DYNC1H1: variants seen among roughly 807,000 people sequenced by gnomAD.
DYNC1H1 encodes the protein cytoplasmic dynein 1 heavy chain 1.
A neutral mutation model predicts 527.1 loss-of-function variants in DYNC1H1; 51 were observed. The ratio of observed to expected loss-of-function variants is 0.10; its 90% confidence interval spans 0.08 to 0.12. The LOEUF (loss-of-function observed/expected upper bound fraction) is 0.12, where lower values mean the gene tolerates loss of function less well. Ranked by LOEUF, DYNC1H1 falls within the 10% of genes least tolerant of loss-of-function variation. The probability of loss-of-function intolerance (pLI) is 1.00; values close to 1 mark genes in which losing one functional copy is unlikely to be tolerated. For synonymous variants in DYNC1H1, 2,189 were observed against 2,278.8 expected (o/e 0.96, Z 1.12); for missense variants, 2,771 against 5,971.8 (o/e 0.46, Z 17.66).
At chr14:101,976,064 C>T (rs561202261) in intron 2 of DYNC1H1, among the ~76,000 whole-genome samples, 7 of 151,702 alleles carry the variant, frequency 4.6e-5, no homozygotes, top group South Asian at 4.2e-4. Context: ...TGCACCGCCA[C>T]GCCTGGCTAA....
chr14:102,010,559 A>G lies in DYNC1H1; in HGVS notation c.6405+100A>G, dbSNP rs751825332. 140 of 1,535,042 alleles carry G rather than the reference A, an allele frequency of 9.1e-5. No homozygotes were observed. Among genetic ancestry groups the G allele is most frequent in the Non-Finnish European group, 1.2e-4 (135 of 1,128,950 alleles). ...CTTGTGAGTTCTTCTTGCAGTTCAC[A>G]TGTCTTGGGATGGCTGAAATAGACT... On this transcript the variant is annotated intron_variant, in intron 31 of 77. Transcript: ENST00000360184. The surrounding 1 kb of genome is among the most constrained non-coding windows in gnomAD (Gnocchi z 6.0).
At position 102,048,229 on chromosome 14, in the gene DYNC1H1, C is replaced by T. The variant is rs984083185; in HGVS notation, c.13218+201C>T. ...CCTTTTGAAATGGACTGAAAACACCCTAGAAGATTGTGAGATAGGCAGACA... is the reference window on the plus strand; with the variant it reads ...CCTTTTGAAATGGACTGAAAACACCTTAGAAGATTGTGAGATAGGCAGACA... On this transcript the variant is annotated intron_variant, in intron 73 of 77. Transcript: ENST00000360184. 31 of 761,976 alleles carry T rather than the reference C, an allele frequency of 4.1e-5. No individual in the cohort carries two copies. The African/African-American group carries it at 4.9e-4, about 12-fold the overall frequency. The allele number at this position is 761,976 out of a possible 1,614,324, so 47.2% of individuals were successfully genotyped here.
chr14:102,009,590 A>G, intron 29 of DYNC1H1: 1 of 514,824 alleles, frequency 1.9e-6, no homozygotes, highest in Non-Finnish European at 3.5e-6. Flanking sequence ...GCCCAAATAA[A>G]ATAGTGGTCT....
rs2048343883 is a variant in DYNC1H1 at position 102,017,939 on chromosome 14, T to C, written c.8177+435T>C. 7.1e-6 allele frequency: 2 copies of C among 280,598 alleles called. No individual in the cohort carries two copies. Among genetic ancestry groups the C allele is most frequent in the Non-Finnish European group, 1.4e-5 (2 of 145,510 alleles). The allele number at this position is 280,598 out of a possible 1,614,324, so 17.4% of individuals were successfully genotyped here. The stretch of plus-strand genomic sequence containing the variant: ...GGCTAACACGGTGAAACCCCATCTC[T>C]ACTAAAAATACAAAAAATTAGCCAG... On this transcript the variant is annotated intron_variant, in intron 40 of 77. Transcript: ENST00000360184. This position sits in a 1 kb window ranked among gnomAD's most constrained non-coding sequence, Gnocchi z 4.6.
At chr14:102,047,381 GAAA>G (rs981469317) in intron 72 of DYNC1H1, among the ~76,000 whole-genome samples, 44 of 151,494 alleles carry the variant, frequency 2.9e-4, no homozygotes, top group African/African-American at 1.0e-3. Context: ...AAAAATACAA[GAAA>G]AAATTAGCCA....
chr14:101,997,236 G>A lies in DYNC1H1; in HGVS notation c.3766G>A (p.Asp1256Asn), dbSNP rs760571415. 9 of 1,613,902 alleles carry A rather than the reference G, an allele frequency of 5.6e-6. No homozygotes were observed. The highest frequency in any genetic ancestry group is 1.3e-5 in the African/African-American group (1 of 74,882). Residue 1256 changes from aspartate (D) to asparagine (N), a missense_variant, in exon 16 of 78, where the codon GAC becomes AAC. This residue lies in a region of DYNC1H1 where 223 missense variants were observed against 462.5 expected (regional missense o/e 0.48). Transcript: ENST00000360184. This position sits in a 1 kb window ranked among gnomAD's most constrained non-coding sequence, Gnocchi z 4.8. ...EDRAVESRTT[D>N]LLTDWEKTKP... ...TCGGGCCGTGGAAAGCCGCACCACC[G>A]ACCTGCTGACTGACTGGGAGAAGAC... is the stretch of plus-strand genomic sequence containing the variant.
intron 69 of DYNC1H1, 137 bp from the exon 70 acceptor site, chr14:102,043,738 C>A: frequency 8.6e-7 from 1 of 1,161,018 alleles, no homozygotes; most frequent in Non-Finnish European, 1.3e-6. Flanking sequence ...CTCCTAGCAG[C>A]AGTACTCATG....
Position 102,050,106 on chromosome 14 carries a change from A to C in DYNC1H1, c.13720A>C (p.Lys4574Gln). 2 of 1,570,830 alleles carry C rather than the reference A, an allele frequency of 1.3e-6. No individual in the cohort carries two copies. The highest frequency in any genetic ancestry group is 1.7e-6 in the Non-Finnish European group (2 of 1,168,116). ...KLQGATCNNN[K>Q]LSLSNAISTA... ...TCAAGGGGCCACGTGCAACAACAACAAGCTGTCACTGTCCAATGCCATCTC... is the reference window on the plus strand; with the variant it reads ...TCAAGGGGCCACGTGCAACAACAACCAGCTGTCACTGTCCAATGCCATCTC... The change falls in exon 77 of 78, where the codon AAG becomes CAG. Residue 4574 changes from lysine (K) to glutamine (Q), a missense_variant. Lys to Gln is a moderately conservative substitution (Grantham distance 53). Coordinates refer to ENST00000360184, the MANE Select transcript of DYNC1H1 (RefSeq NM_001376.5).
chr14:102,050,998 G>C lies in DYNC1H1; in HGVS notation c.*435G>C, dbSNP rs2048802197. 1 of 280,692 alleles carries C rather than the reference G, an allele frequency of 3.6e-6. No individual in the cohort carries two copies. The highest frequency in any genetic ancestry group is 3.8e-5 in the South Asian group (1 of 26,664). The allele number at this position is 280,692 out of a possible 1,614,324, so 17.4% of individuals were successfully genotyped here. On this transcript the variant is annotated 3_prime_UTR_variant, in exon 78 of 78. Coordinates refer to ENST00000360184, the MANE Select transcript of DYNC1H1 (RefSeq NM_001376.5). ...GATGCAGCCAGCTGTGGCTCTGAAG[G>C]CCCTGGGGCCCGGGCACCATGGTTC...
intron 12 of DYNC1H1, 148 bp from the exon 13 acceptor site, chr14:101,994,525 A>T (rs950058620): frequency 1.5e-6 from 2 of 1,319,168 alleles, no homozygotes; most frequent in Non-Finnish European, 2.1e-6. Flanking sequence ...ATCTTTTTTG[A>T]TATGAAAATT....
rs1264521061 is a variant in DYNC1H1, at chr14:102,011,408, A to G, written c.6618+456A>G. 5.8e-6 allele frequency: 2 copies of G among 344,576 alleles called. No individual in the cohort carries two copies. The highest frequency in any genetic ancestry group is 1.1e-5 in the Non-Finnish European group (2 of 178,760). 21.3% of individuals were successfully genotyped at this position (344,576 alleles called of 1,614,324 possible). ...TGAGAGATGCTGTACGGGATTGAAC[A>G]CATAGCTCATCCATTGGGTCTCTTG... On this transcript the variant is annotated intron_variant, in intron 32 of 77. Coordinates refer to ENST00000360184, the MANE Select transcript of DYNC1H1 (RefSeq NM_001376.5). This position sits in a 1 kb window ranked among gnomAD's most constrained non-coding sequence, Gnocchi z 5.3.
chr14:102,026,995 C>A, intron 44 of DYNC1H1, 179 bp from the exon 45 acceptor site: 1 of 848,462 alleles, frequency 1.2e-6, no homozygotes, highest in Non-Finnish European at 2.0e-6. Context: ...GAGGACAGGA[C>A]CGTGTCTTAC....
chr14:102,017,329 C>T lies in DYNC1H1; in HGVS notation c.8055+35C>T. The T allele has an allele frequency of 6.2e-7, 1 of 1,614,254 alleles. No individual in the cohort carries two copies. The highest frequency in any genetic ancestry group is 1.7e-5 in the Admixed American group (1 of 60,032). Reference sequence around the variant, plus strand: ...TATCCACAAGGCCCTTCCTGCCCCACAATGTTTCTTGTTCAAGTTTTGCTC... The same window carrying T: ...TATCCACAAGGCCCTTCCTGCCCCATAATGTTTCTTGTTCAAGTTTTGCTC... On this transcript the variant is annotated intron_variant, in intron 39 of 77. Coordinates refer to ENST00000360184, the MANE Select transcript of DYNC1H1 (RefSeq NM_001376.5). This position sits in a 1 kb window ranked among gnomAD's most constrained non-coding sequence, Gnocchi z 4.6.
In DYNC1H1 at chr14:102,012,486, T is replaced by C; in HGVS notation, c.7014+16T>C. ...TCCACCCAATGTAAGTAGCCTTTTG[T>C]ATGTCGTCAACTGAATAATTCCTTT... On this transcript the variant is annotated intron_variant, in intron 34 of 77. Coordinates refer to ENST00000360184, the MANE Select transcript of DYNC1H1 (RefSeq NM_001376.5). The surrounding 1 kb of genome is among the most constrained non-coding windows in gnomAD (Gnocchi z 4.9). 6.2e-7 allele frequency: 1 copy of C among 1,614,196 alleles called. No individual in the cohort carries two copies. The highest frequency in any genetic ancestry group is 8.5e-7 in the Non-Finnish European group (1 of 1,180,038).
chr14:102,048,357 A>G, intron 73 of DYNC1H1, 159 bp from the exon 74 acceptor site: 1 of 1,026,792 alleles, frequency 9.7e-7, no homozygotes, highest in Non-Finnish European at 1.4e-6. Context: ...AGCTTCACAC[A>G]AGCTCGGTTC....
At position 102,015,247 on chromosome 14, in the gene DYNC1H1, C is replaced by T. The variant is rs771951943; in HGVS notation, c.7157C>T (p.Pro2386Leu). The T allele has an allele frequency of 6.2e-7, 1 of 1,614,186 alleles. No individual in the cohort carries two copies. Among genetic ancestry groups the T allele is most frequent in the South Asian group, 1.1e-5 (1 of 91,084 alleles). ...NNFLARLRSI[P>L]LDEGEDEAQR... Reference sequence around the variant, plus strand: ...TTCCTGGCCAGGCTGCGCAGCATCCCGCTGGATGAAGGGGAGGATGAGGCA... The same window carrying T: ...TTCCTGGCCAGGCTGCGCAGCATCCTGCTGGATGAAGGGGAGGATGAGGCA... Residue 2386 changes from proline to leucine, a missense_variant, in exon 35 of 78, where the codon CCG becomes CTG. Physicochemically the swap from Pro to Leu is moderately conservative, Grantham distance 98 (BLOSUM62 -3). Coordinates refer to ENST00000360184, the MANE Select transcript of DYNC1H1 (RefSeq NM_001376.5). The surrounding 1 kb of genome is among the most constrained non-coding windows in gnomAD (Gnocchi z 6.9).
intron 34 of DYNC1H1, among the ~76,000 whole-genome samples, chr14:102,014,076 C>T (rs1359448028): frequency 6.6e-6 from 1 of 152,222 alleles, no homozygotes; most frequent in Non-Finnish European, 1.5e-5. Flanking sequence ...ACTCAAGTTC[C>T]TCTCTGACAG....
At position 102,038,567 on chromosome 14, in the gene DYNC1H1, G is replaced by A. The variant is rs199679500; in HGVS notation, c.11016G>A (p.Ser3672=). 356 of 1,614,152 alleles carry A rather than the reference G, an allele frequency of 2.2e-4. 6 individuals carry two copies. In the South Asian group the frequency reaches 3.1e-3, roughly 14 times the overall value. The change falls in exon 58 of 78, where the codon TCG becomes TCA. Residue 3672 remains serine, a synonymous_variant. Coordinates refer to ENST00000360184, the MANE Select transcript of DYNC1H1 (RefSeq NM_001376.5). This position sits in a 1 kb window ranked among gnomAD's most constrained non-coding sequence, Gnocchi z 7.2. ...ITLGDQDIDL[S]PSFVIFLSTR... is the part of the protein sequence containing the mutation. ...TCGGGGACCAGGACATAGACCTGTCGCCATCGTTTGTCATCTTCCTGTCCA... is the reference window on the plus strand; with the variant it reads ...TCGGGGACCAGGACATAGACCTGTCACCATCGTTTGTCATCTTCCTGTCCA...
At chr14:101,972,834 CAT>C (rs1424421551) in intron 1 of DYNC1H1, among the ~76,000 whole-genome samples, 3 of 152,018 alleles carry the variant, frequency 2.0e-5, no homozygotes, top group Non-Finnish European at 4.4e-5. Flanking sequence ...ATTTTGATGG[CAT>C]ATTTTATATA....
Sources: allele counts gnomAD v4.1 joint callset (sites outside exome capture counted in the v4.1 genomes callset), GRCh38; gene constraint gnomAD v4.1.1; regional missense constraint gnomAD v4.1.1; non-coding constraint Gnocchi (gnomAD v3.1); transcripts MANE v1.5; gene names NCBI Gene and HGNC (gene_info 2026-07-23, HGNC 2026-07-21).